Variants in POLK observed in about 807,000 individuals in gnomAD.
POLK encodes DNA polymerase kappa.
Under a neutral mutation model 94.0 loss-of-function variants are expected in POLK, and 76 were observed. The ratio of observed to expected loss-of-function variants is 0.81; its 90% CI spans 0.67 to 0.98. POLK has a LOEUF of 0.98. Among genes scored for constraint, POLK ranks in the 50% least tolerant of loss-of-function variants. The pLI, the probability that POLK is intolerant of heterozygous loss-of-function variation, is 0.00. For synonymous variants in POLK, 349 were observed against 325.4 expected (o/e 1.07, Z -0.78); for missense variants, 954 against 1,010.1 (o/e 0.94, Z 0.75).
chr5:75,595,092 A>G (rs1772994380), intron 12 of POLK, among the ~76,000 whole-genome samples: 1 of 151,928 alleles, frequency 6.6e-6, no homozygotes, highest in Non-Finnish European at 1.5e-5. Context: ...CTCTACAAAA[A>G]CTACAAAAAA....
chr5:75,531,042 C>T (rs1344005891), intron 1 of POLK, among the ~76,000 whole-genome samples: 2 of 151,682 alleles, frequency 1.3e-5, no homozygotes, highest in African/African-American at 4.8e-5. Flanking sequence ...CTCCTGACCT[C>T]GTGATCCTCC....
At chr5:75,539,196 G>A (rs1278513357) in intron 1 of POLK, among the ~76,000 whole-genome samples, 3 of 151,498 alleles carry the variant, frequency 2.0e-5, no homozygotes, top group Non-Finnish European at 4.4e-5. Context: ...AGGAAGGTAT[G>A]TGATTATGTT....
In POLK at chr5:75,562,648, G is replaced by A. The variant is rs546191354; in HGVS notation, c.256-6692G>A. On this transcript the variant is annotated intron_variant, in intron 3 of 14. Transcript: ENST00000241436. ...TCAGTATGATATTGGCTGTGGGTTT[G>A]TAATAAATAGCTCTTATTATTTTGA... 9.2e-5 allele frequency among the ~76,000 whole-genome samples: 14 copies of A among 152,258 alleles called. No homozygotes were observed. In the East Asian group the frequency reaches 2.7e-3, roughly 29 times the overall value.
intron 1 of POLK, chr5:75,538,567 C>T (rs1164738543): frequency 6.6e-6 from 1 of 152,112 alleles, no homozygotes; most frequent in Middle Eastern, 3.4e-3. Flanking sequence ...AGAGAGATAT[C>T]ATCTCATCAA....
chr5:75,571,349 C>T (rs371037851), intron 4 of POLK, among the ~76,000 whole-genome samples: 3 of 152,252 alleles, frequency 2.0e-5, no homozygotes, highest in Non-Finnish European at 2.9e-5. Context: ...AATGTTCTAA[C>T]TTGGCACTGA....
intron 1 of POLK, among the ~76,000 whole-genome samples, chr5:75,528,264 C>A (rs1768968736): frequency 6.6e-6 from 1 of 151,592 alleles, no homozygotes; most frequent in Non-Finnish European, 1.5e-5. Flanking sequence ...AAAAATAATT[C>A]CATGATTAAG....
chr5:75,556,938 C>T (rs999812104), intron 3 of POLK, among the ~76,000 whole-genome samples: 1 of 151,992 alleles, frequency 6.6e-6, no homozygotes, highest in Admixed American at 6.6e-5. Context: ...TGGCACAGGC[C>T]CATGGTCCTA....
intron 7 of POLK, chr5:75,581,675 T>G: frequency 2.2e-6 from 1 of 449,116 alleles, no homozygotes; most frequent in Non-Finnish European, 3.9e-6. Flanking sequence ...TATACGTTTC[T>G]TTCTTTTTTT....
downstream of POLK, among the ~76,000 whole-genome samples, chr5:75,605,683 T>A (rs1773405998): frequency 6.6e-6 from 1 of 152,220 alleles, no homozygotes; most frequent in Non-Finnish European, 1.5e-5. Flanking sequence ...TAGACTAATG[T>A]ATTTCATCAA....
intron 1 of POLK, among the ~76,000 whole-genome samples, chr5:75,530,842 CTGT>C (rs1769142092): frequency 7.0e-6 from 1 of 142,680 alleles, no homozygotes; most frequent in Non-Finnish European, 1.5e-5. Flanking sequence ...GAGTCTCGCT[CTGT>C]TGCCCATGCT....
chr5:75,517,442 A>G (rs1209613412), intron 1 of POLK, among the ~76,000 whole-genome samples: 1 of 152,198 alleles, frequency 6.6e-6, no homozygotes, highest in Admixed American at 6.5e-5. Flanking sequence ...AAATCAAGAA[A>G]GCAATCTAAA....
intron 6 of POLK, among the ~76,000 whole-genome samples, chr5:75,579,740 T>C (rs1197422224): frequency 6.6e-6 from 1 of 151,960 alleles, no homozygotes; most frequent in Non-Finnish European, 1.5e-5. Context: ...TATCAGCTAA[T>C]GTAAGTTTGA....
chr5:75,516,207 G>A (rs1037586326), intron 1 of POLK, among the ~76,000 whole-genome samples: 9 of 152,184 alleles, frequency 5.9e-5, no homozygotes, highest in Non-Finnish European at 5.9e-5. Context: ...TCACTCAGCT[G>A]TGAAGAAGCT....
At chr5:75,511,461 G>T (rs775516701), upstream of POLK, 12 of 1,528,846 alleles carry the variant, frequency 7.8e-6, no homozygotes, top group Middle Eastern at 4.1e-4. Flanking sequence ...CGCCGTCGCC[G>T]TGACCCCTGC....
intron 13 of POLK, 72 bp from the exon 14 acceptor site, chr5:75,597,675 A>T (rs549691839): frequency 1.2e-6 from 1 of 867,354 alleles, no homozygotes. Context: ...TTAACTTTTT[A>T]AATTTGTATA....
At chr5:75,532,383 C>T (rs1769224854) in intron 1 of POLK, among the ~76,000 whole-genome samples, 1 of 152,118 alleles carries the variant, frequency 6.6e-6, no homozygotes, top group Admixed American at 6.5e-5. Flanking sequence ...CCTCCAGCTC[C>T]ATCCATTTTG....
At chr5:75,580,626 T>G (rs1772144154) in intron 6 of POLK, 1 of 483,166 alleles carries the variant, frequency 2.1e-6, no homozygotes, top group Admixed American at 6.4e-5. Context: ...AAATGTGCCC[T>G]TAGTCAAAGT....
At chr5:75,561,631 T>G (rs777044940) in intron 3 of POLK, among the ~76,000 whole-genome samples, 1 of 152,242 alleles carries the variant, frequency 6.6e-6, no homozygotes, top group Non-Finnish European at 1.5e-5. Flanking sequence ...AGGGTTTTTA[T>G]GGTTTTAGGT....
intron 2 of POLK, among the ~76,000 whole-genome samples, chr5:75,550,515 G>T (rs1770283597): frequency 6.6e-6 from 1 of 152,116 alleles, no homozygotes; most frequent in African/African-American, 2.4e-5. Context: ...GGAGGTGGAG[G>T]TTGCAGTGAG....
Sources: gnomAD v4.1 joint callset for allele counts (sites outside exome capture counted in the v4.1 genomes callset) on GRCh38, gnomAD v4.1.1 for gene constraint, MANE v1.5 for transcripts, NCBI Gene and HGNC (gene_info 2026-07-23, HGNC 2026-07-21) for gene names.